The following SFRP2 variants were observed in gnomAD, a reference collection of about 807,000 sequenced individuals.
The protein encoded by SFRP2 is secreted frizzled related protein 2.
SFRP2 carries 16 observed loss-of-function variants against 26.0 expected under a neutral mutation model. The ratio of observed to expected loss-of-function variants is 0.61; its 90% CI spans 0.42 to 0.93. SFRP2 has a LOEUF of 0.93. Among genes scored for constraint, SFRP2 ranks in the 40% least tolerant of loss-of-function variants. The probability of loss-of-function intolerance (pLI) is 0.00; values close to 1 mark genes in which losing one functional copy is unlikely to be tolerated. For missense variants in SFRP2, 343 were observed against 392.4 expected, an observed-to-expected ratio of 0.87 and a Z score of 1.06; for synonymous variants, 173 against 167.3, an observed-to-expected ratio of 1.03 and a Z score of -0.26.
At chr4:153,785,185 A>G (rs577312936) in intron 2 of SFRP2, among the ~76,000 whole-genome samples, 40 of 152,076 alleles carry the variant, frequency 2.6e-4, no homozygotes, top group Non-Finnish European at 4.9e-4. Flanking sequence ...ACTATTTTCG[A>G]AACTGTGGCA....
Position 153,789,048 on chromosome 4 carries a change from CCGACCCGGG to C in SFRP2, c.-222_-214del. Reference sequence around the variant, plus strand: ...AGCCCGCGCGCAGCTCCGGGGGGCTCCGACCCGGGGGAGCAGAATGAGCCGTTGCTGGGG... The same window carrying C: ...AGCCCGCGCGCAGCTCCGGGGGGCTCGGAGCAGAATGAGCCGTTGCTGGGG... On this transcript the variant is annotated 5_prime_UTR_variant, in exon 1 of 3. Coordinates refer to ENST00000274063, the MANE Select transcript of SFRP2 (RefSeq NM_003013.3). The C allele has an allele frequency of 1.9e-6, 1 of 525,112 alleles. No homozygotes were observed. The highest frequency in any genetic ancestry group is 3.2e-6 in the Non-Finnish European group (1 of 309,232). 32.5% of individuals were successfully genotyped at this position (525,112 alleles called of 1,614,324 possible).
intron 1 of SFRP2, 113 bp downstream of exon 1, chr4:153,788,221 C>G: frequency 7.6e-7 from 1 of 1,318,054 alleles, no homozygotes; most frequent in Non-Finnish European, 1.0e-6. Flanking sequence ...AACTTCTGCC[C>G]TTCCCGCTAC....
In SFRP2 at chr4:153,788,160, G is replaced by A. The variant is rs1348087250; in HGVS notation, c.502+174C>T. 5.9e-5 allele frequency among the ~76,000 whole-genome samples: 9 copies of A among 152,336 alleles called. No individual in the cohort carries two copies. In the South Asian group the frequency reaches 1.7e-3, roughly 28 times the overall value. ...GCGAGACTTGGGCGGCGTGGGAGGG[G>A]TGCCTCAAATTTGATACAGGCTTGT... On this transcript the variant is annotated intron_variant, in intron 1 of 2. Transcript: ENST00000274063.
Position 153,781,576 on chromosome 4 carries a change from C to T in SFRP2, c.763G>A (p.Ala255Thr), listed in dbSNP as rs778665160. ...TTCTGTCCCATGACCAGATAGGGCG[C>T]GTTGATGTCGTTCATCTCCTCACAG... ...CTCEEMNDINAPYLVMGQKQG... is the reference protein window; with the variant it reads ...CTCEEMNDINTPYLVMGQKQG... The change falls in exon 3 of 3, where the codon GCG becomes ACG. Residue 255 changes from alanine (A) to threonine (T), a missense_variant. Around this residue, in one of 2 missense-constraint regions of SFRP2, gnomAD observed 92 missense variants for 139.0 expected, o/e 0.66. Transcript: ENST00000274063. 1 of 1,614,194 alleles carries T rather than the reference C, an allele frequency of 6.2e-7. No homozygotes were observed. Among genetic ancestry groups the T allele is most frequent in the Non-Finnish European group, 8.5e-7 (1 of 1,180,030 alleles).
At chr4:153,785,028 C>A (rs1354511347) in intron 2 of SFRP2, among the ~76,000 whole-genome samples, 1 of 152,170 alleles carries the variant, frequency 6.6e-6, no homozygotes, top group Non-Finnish European at 1.5e-5. Context: ...AGCCCCAGCT[C>A]TCTTTCCCCT....
At chr4:153,781,981 C>T (rs187039674) in intron 2 of SFRP2, among the ~76,000 whole-genome samples, 2 of 152,238 alleles carry the variant, frequency 1.3e-5, no homozygotes, top group East Asian at 3.9e-4. Flanking sequence ...TTCCAATCAG[C>T]CATTTTTTCA....
At chr4:153,783,326 C>T (rs1016194807) in intron 2 of SFRP2, among the ~76,000 whole-genome samples, 2 of 152,160 alleles carry the variant, frequency 1.3e-5, no homozygotes, top group African/African-American at 4.8e-5. Flanking sequence ...AAGATTTCAC[C>T]TGGCCAAATG....
At chr4:153,786,042 G>T in intron 1 of SFRP2, 98 bp from the exon 2 acceptor site, 1 of 608,140 alleles carries the variant, frequency 1.6e-6, no homozygotes, top group Non-Finnish European at 2.8e-6. Context: ...GACAAAAGTA[G>T]CAATTGTCCT....
At chr4:153,788,227 G>T (rs1741244720) in intron 1 of SFRP2, 107 bp downstream of exon 1, 2 of 1,363,456 alleles carry the variant, frequency 1.5e-6, no homozygotes, top group Non-Finnish European at 2.0e-6. Flanking sequence ...TGCCCTTCCC[G>T]CTACTGGCAC....
At position 153,781,378 on chromosome 4, in the gene SFRP2, A is replaced by G; in HGVS notation, c.*73T>C. The G allele has an allele frequency of 7.2e-7, 1 of 1,392,780 alleles. No homozygotes were observed. Among genetic ancestry groups the G allele is most frequent in the East Asian group, 2.3e-5 (1 of 43,604 alleles). The allele number at this position is 1,392,780 out of a possible 1,614,324, so 86.3% of individuals were successfully genotyped here. A position where few individuals can be genotyped will look rare whatever the true frequency, so the allele number is the denominator to read the frequency against. ...GCTAGGAGTGTGCTTGGGGAACGGG[A>G]GCTGAGATCCCGGAGCAGAAATGGT... On this transcript the variant is annotated 3_prime_UTR_variant, in exon 3 of 3. Transcript: ENST00000274063.
rs762467203 is a variant in SFRP2, at chr4:153,788,623, C to T, written c.213G>A (p.Glu71=). 3.1e-6 allele frequency: 5 copies of T among 1,614,076 alleles called. No individual in the cohort carries two copies. In the African/African-American group the frequency reaches 5.3e-5, roughly 17 times the overall value. Residue 71 remains glutamate, a synonymous_variant, in exon 1 of 3, where the codon GAG becomes GAA. Transcript: ENST00000274063. ...TCCAAGCGCCGGCCTGCTCCAGCAC[C>T]TCCTTCATGGTCTCGTGGCCCAGCA... The part of the protein sequence containing the change: ...PNLLGHETMK[E]VLEQAGAWIP...
rs778386528 is a variant in SFRP2, at chr4:153,785,945, C to T, written c.503-1G>A. 1 of 1,586,318 alleles carries T rather than the reference C, an allele frequency of 6.3e-7. No homozygotes were observed. Among genetic ancestry groups the T allele is most frequent in the Non-Finnish European group, 8.6e-7 (1 of 1,166,462 alleles). ...TTGCAGGCTTCACATACCTTTGGAG[C>T]TAGAAATGTGAAAAACAGTCTTTAG... On this transcript the variant is annotated splice_acceptor_variant, in intron 1 of 2. Coordinates refer to ENST00000274063, the MANE Select transcript of SFRP2 (RefSeq NM_003013.3). LOFTEE classifies it high-confidence loss of function.
chr4:153,786,798 G>A (rs538306843), intron 1 of SFRP2, among the ~76,000 whole-genome samples: 1 of 150,882 alleles, frequency 6.6e-6, no homozygotes, highest in East Asian at 1.9e-4. Flanking sequence ...TTGTATACTA[G>A]CACAATTATC....
rs928317938 is a variant in SFRP2, at chr4:153,788,541, A to G, written c.295T>C (p.Phe99Leu). ...AGGTCATCGAGGCAGACGGGGGCGA[A>G]GAGCGAGCACAGGAACTTCTTGGTG... ...PDTKKFLCSL[F>L]APVCLDDLDE... Residue 99 changes from phenylalanine (F) to leucine (L), a missense_variant, in exon 1 of 3, where the codon TTC becomes CTC. Coordinates refer to ENST00000274063, the MANE Select transcript of SFRP2 (RefSeq NM_003013.3). The G allele has an allele frequency of 1.9e-6, 3 of 1,614,174 alleles. No homozygotes were observed. The highest frequency in any genetic ancestry group is 1.7e-6 in the Non-Finnish European group (2 of 1,180,032).
At chr4:153,785,027 T>A (rs1443732435) in intron 2 of SFRP2, among the ~76,000 whole-genome samples, 1 of 152,154 alleles carries the variant, frequency 6.6e-6, no homozygotes, top group Non-Finnish European at 1.5e-5. Flanking sequence ...AAGCCCCAGC[T>A]CTCTTTCCCC....
intron 1 of SFRP2, among the ~76,000 whole-genome samples, chr4:153,786,570 T>C (rs1741213186): frequency 6.6e-6 from 1 of 152,186 alleles, no homozygotes; most frequent in Non-Finnish European, 1.5e-5. Context: ...TACAACAGCC[T>C]GCTCTAAGTG....
Position 153,781,698 on chromosome 4 carries a change from A to T in SFRP2, c.641T>A (p.Leu214Gln). ...TYINRDTKII[L>Q]ETKSKTIYKL... The stretch of plus-strand genomic sequence containing the variant: ...GTAAATGGTCTTGCTCTTGGTCTCC[A>T]GGATGATTTTGGTATCTCGGTTGAT... Residue 214 changes from leucine (L) to glutamine (Q), a missense_variant, in exon 3 of 3, where the codon CTG becomes CAG. Leu to Gln is a moderately radical substitution (Grantham distance 113). Around this residue, in one of 2 missense-constraint regions of SFRP2, gnomAD observed 92 missense variants for 139.0 expected, o/e 0.66. Transcript: ENST00000274063. 1 of 1,614,106 alleles carries T rather than the reference A, an allele frequency of 6.2e-7. No homozygotes were observed. Among genetic ancestry groups the T allele is most frequent in the Non-Finnish European group, 8.5e-7 (1 of 1,179,970 alleles).
chr4:153,781,694 C>G lies in SFRP2; in HGVS notation c.645G>C (p.Glu215Asp), dbSNP rs1579127371. 6.2e-7 allele frequency: 1 copy of G among 1,614,098 alleles called. No homozygotes were observed. The change falls in exon 3 of 3, where the codon GAG becomes GAC. Residue 215 changes from glutamate (E) to aspartate (D), a missense_variant. Around this residue, in one of 2 missense-constraint regions of SFRP2, gnomAD observed 92 missense variants for 139.0 expected, o/e 0.66. Transcript: ENST00000274063. ...YINRDTKIIL[E>D]TKSKTIYKLN... ...GCTTGTAAATGGTCTTGCTCTTGGT[C>G]TCCAGGATGATTTTGGTATCTCGGT... is the stretch of plus-strand genomic sequence containing the variant.
At chr4:153,782,470 G>A (rs1193437841) in intron 2 of SFRP2, among the ~76,000 whole-genome samples, 2 of 152,126 alleles carry the variant, frequency 1.3e-5, no homozygotes, top group African/African-American at 2.4e-5. Context: ...ATGTAGACTC[G>A]TTAGAATGCG....
Sources: gnomAD v4.1 joint callset for allele counts (sites outside exome capture counted in the v4.1 genomes callset) on GRCh38, gnomAD v4.1.1 for gene constraint, gnomAD v4.1.1 regional missense constraint, MANE v1.5 for transcripts, NCBI Gene and HGNC (gene_info 2026-07-23, HGNC 2026-07-21) for gene names.